The following EFCAB6 variants were observed in gnomAD, a reference collection of about 807,000 sequenced individuals.
The protein encoded by EFCAB6 is EF-hand calcium binding domain 6, also known as EF-hand calcium-binding domain-containing protein 6.
Under a neutral mutation model 169.8 loss-of-function variants are expected in EFCAB6, and 156 were observed. The observed-to-expected ratio is 0.92, with a 90% CI of 0.81 to 1.05. The LOEUF (loss-of-function observed/expected upper bound fraction) is 1.05, where lower values mean the gene tolerates loss of function less well. EFCAB6 is among the 50% of genes least tolerant of loss of function. EFCAB6 has a pLI of 0.00. For synonymous variants in EFCAB6, 698 were observed against 676.4 expected, an observed-to-expected ratio of 1.03 and a Z score of -0.50; for missense variants, 1,800 against 1,829.1, an observed-to-expected ratio of 0.98 and a Z score of 0.29.
chr22:43,544,702 T>G (rs2047940923), intron 27 of EFCAB6, among the ~76,000 whole-genome samples: 1 of 151,890 alleles, frequency 6.6e-6, no homozygotes, highest in African/African-American at 2.4e-5. Context: ...TTCTGTAAGA[T>G]CCTAATACCC....
At chr22:43,660,416 T>C (rs751523818) in intron 17 of EFCAB6, among the ~76,000 whole-genome samples, 3 of 152,096 alleles carry the variant, frequency 2.0e-5, no homozygotes, top group Non-Finnish European at 4.4e-5. Flanking sequence ...GACAGCTACA[T>C]TTGCCTACCT....
intron 2 of EFCAB6, among the ~76,000 whole-genome samples, chr22:43,793,770 G>A (rs1283176201): frequency 4.2e-5 from 6 of 142,324 alleles, no homozygotes; most frequent in Non-Finnish European, 7.8e-5. Context: ...CTATCTCCAC[G>A]GTCAGATTAA....
At chr22:43,655,676 C>G (rs1380138793) in intron 17 of EFCAB6, among the ~76,000 whole-genome samples, 1 of 151,866 alleles carries the variant, frequency 6.6e-6, no homozygotes, top group South Asian at 2.1e-4. Context: ...TAGAACGGAC[C>G]GAATACTTCA....
chr22:43,792,275 C>T (rs755244431), intron 2 of EFCAB6, among the ~76,000 whole-genome samples: 2 of 152,106 alleles, frequency 1.3e-5, no homozygotes, highest in Non-Finnish European at 2.9e-5. Flanking sequence ...TTCATGGACA[C>T]GAACCTGTGG....
intron 5 of EFCAB6, among the ~76,000 whole-genome samples, chr22:43,761,997 T>C (rs922649029): frequency 1.3e-5 from 2 of 152,236 alleles, no homozygotes; most frequent in Non-Finnish European, 1.5e-5. Context: ...TGATGTTACT[T>C]GGCACTTTAT....
intron 22 of EFCAB6, among the ~76,000 whole-genome samples, chr22:43,607,760 T>C (rs2053023130): frequency 6.6e-6 from 1 of 152,192 alleles, no homozygotes; most frequent in African/African-American, 2.4e-5. Context: ...GATGTTGGTA[T>C]ACCATCCTGG....
chr22:43,809,929 C>T (rs1487573412), intron 1 of EFCAB6, among the ~76,000 whole-genome samples: 2 of 151,658 alleles, frequency 1.3e-5, no homozygotes, highest in Admixed American at 6.6e-5. Flanking sequence ...GAGACAGGGT[C>T]TCATTCTGTC....
intron 24 of EFCAB6, among the ~76,000 whole-genome samples, chr22:43,586,997 C>T (rs2051120150): frequency 6.6e-6 from 1 of 152,216 alleles, no homozygotes; most frequent in Non-Finnish European, 1.5e-5. Context: ...CAAGAAATCA[C>T]TTCCTAAAAC....
chr22:43,729,702 T>G (rs1181780223), intron 8 of EFCAB6, among the ~76,000 whole-genome samples: 4 of 151,684 alleles, frequency 2.6e-5, no homozygotes, highest in Non-Finnish European at 5.9e-5. Context: ...AAAAGGAGAG[T>G]TGAATGGCAA....
In EFCAB6 at chr22:43,704,377, T is replaced by C. The variant is rs116458617; in HGVS notation, c.1031+7098A>G. 1.6e-3 allele frequency among the ~76,000 whole-genome samples: 250 copies of C among 152,256 alleles called. 1 individual carries two copies. The highest frequency in any genetic ancestry group is 5.4e-3 in the African/African-American group (226 of 41,550). On this transcript the variant is annotated intron_variant, in intron 10 of 31. Coordinates refer to ENST00000262726, the MANE Select transcript of EFCAB6 (RefSeq NM_022785.4). ...CACAGGAATTGCTAAAGAGAGTTCT[T>C]TAAGTTGAAACAAAAGGCTGCTAAT...
intron 23 of EFCAB6, among the ~76,000 whole-genome samples, chr22:43,592,072 G>A (rs182622121): frequency 2.4e-4 from 37 of 152,310 alleles, no homozygotes; most frequent in Admixed American, 1.3e-3. Flanking sequence ...TCTACCACTT[G>A]AGGTACGTAT....
At position 43,539,721 on chromosome 22, in the gene EFCAB6, G is replaced by A. The variant is rs140353286; in HGVS notation, c.3879+406C>T. Among the ~76,000 whole-genome samples the A allele has an allele frequency of 3.4e-3, 525 of 152,328 alleles. 1 individual carries two copies. The highest frequency in any genetic ancestry group is 0.014 in the Middle Eastern group (4 of 294). The stretch of plus-strand genomic sequence containing the variant: ...CAAGATCACATGAGAATGCCTCTTA[G>A]AGCCTCACTGTGTTCAACTGGAAAA... On this transcript the variant is annotated intron_variant, in intron 28 of 31. Coordinates refer to ENST00000262726, the MANE Select transcript of EFCAB6 (RefSeq NM_022785.4).
chr22:43,563,391 A>G (rs1457514424), intron 26 of EFCAB6, among the ~76,000 whole-genome samples: 2 of 152,118 alleles, frequency 1.3e-5, no homozygotes, highest in African/African-American at 4.8e-5. Context: ...AACATGACAA[A>G]ACCCCATCTC....
At chr22:43,782,452 T>A in intron 2 of EFCAB6, 127 bp from the exon 3 acceptor site, 2 of 770,608 alleles carry the variant, frequency 2.6e-6, no homozygotes, top group Non-Finnish European at 4.1e-6. Flanking sequence ...AGTCATAATC[T>A]GCTTTGCTGA....
intron 2 of EFCAB6, chr22:43,797,497 T>C (rs2062554111): frequency 6.6e-6 from 1 of 152,342 alleles, no homozygotes; most frequent in Non-Finnish European, 1.5e-5. Flanking sequence ...TAGGAAACCT[T>C]AGGCAAATCA....
chr22:43,728,868 C>T (rs1442583632), intron 8 of EFCAB6, among the ~76,000 whole-genome samples: 1 of 152,190 alleles, frequency 6.6e-6, no homozygotes, highest in African/African-American at 2.4e-5. Context: ...TGCCTGTTTA[C>T]TCTGATCATA....
chr22:43,664,745 G>A (rs2057166473), intron 17 of EFCAB6, among the ~76,000 whole-genome samples: 1 of 152,164 alleles, frequency 6.6e-6, no homozygotes, highest in Non-Finnish European at 1.5e-5. Flanking sequence ...GCAAGGGGAG[G>A]ATGACCAGAG....
intron 2 of EFCAB6, among the ~76,000 whole-genome samples, chr22:43,783,680 A>G (rs2061909750): frequency 6.6e-6 from 1 of 152,236 alleles, no homozygotes; most frequent in East Asian, 1.9e-4. Context: ...AACTCTATAA[A>G]CAAATGAACA....
intron 26 of EFCAB6, among the ~76,000 whole-genome samples, chr22:43,575,682 A>G (rs1296801015): frequency 1.3e-5 from 2 of 152,170 alleles, no homozygotes; most frequent in Non-Finnish European, 2.9e-5. Flanking sequence ...CTAAATGGCA[A>G]AGATGAAAAA....
Sources: gnomAD v4.1 joint callset for allele counts (sites outside exome capture counted in the v4.1 genomes callset) on GRCh38, gnomAD v4.1.1 for gene constraint, MANE v1.5 for transcripts, NCBI Gene and HGNC (gene_info 2026-07-23, HGNC 2026-07-21) for gene names.